The following CNTLN variants were observed in gnomAD, a reference collection of about 807,000 sequenced individuals.
CNTLN encodes centlein, centrosomal protein.
A neutral mutation model predicts 180.0 loss-of-function variants in CNTLN; 212 were observed. That is an observed-to-expected ratio of 1.18 (90% CI 1.05 to 1.32). The LOEUF (loss-of-function observed/expected upper bound fraction) is 1.32. Among genes scored for constraint, CNTLN ranks in the 40% most tolerant of loss-of-function variants. The pLI, the probability that CNTLN is intolerant of heterozygous loss-of-function variation, is 0.00. For missense variants in CNTLN, 2,095 were observed against 1,610.9 expected (o/e 1.30, Z -5.14); for synonymous variants, 722 against 563.1 (o/e 1.28, Z -3.99).
intron 5 of CNTLN, among the ~76,000 whole-genome samples, chr9:17,271,755 C>T (rs980799064): frequency 7.9e-5 from 12 of 152,144 alleles, no homozygotes; most frequent in Non-Finnish European, 1.5e-4. Flanking sequence ...TTTTTACCTT[C>T]AGAATATATT....
chr9:17,146,718 G>C (rs940970500), intron 2 of CNTLN, among the ~76,000 whole-genome samples: 3 of 152,096 alleles, frequency 2.0e-5, no homozygotes, highest in African/African-American at 4.8e-5. Flanking sequence ...TTTTGTTATA[G>C]CAGCCCAAAT....
intron 7 of CNTLN, chr9:17,301,696 A>G (rs568127060): frequency 1.4e-4 from 132 of 960,532 alleles, no homozygotes; most frequent in South Asian, 7.3e-4. Flanking sequence ...ACTAGACTCA[A>G]TTTGAAAATA....
chr9:17,341,304 A>C (rs1478859850), intron 11 of CNTLN, among the ~76,000 whole-genome samples: 1 of 152,206 alleles, frequency 6.6e-6, no homozygotes, highest in African/African-American at 2.4e-5. Flanking sequence ...CTGGTGTTAA[A>C]ATGTTTATAA....
intron 5 of CNTLN, among the ~76,000 whole-genome samples, chr9:17,266,342 G>C (rs11523716): frequency 1.3e-5 from 2 of 151,992 alleles, no homozygotes; most frequent in African/African-American, 2.4e-5. Flanking sequence ...ATGTAGTTGA[G>C]TGGTTTTGAG....
chr9:17,228,946 C>T (rs1824646065), intron 3 of CNTLN, among the ~76,000 whole-genome samples: 1 of 152,016 alleles, frequency 6.6e-6, no homozygotes, highest in Admixed American at 6.6e-5. Context: ...GTTTGAGATG[C>T]TGATAGGAAT....
chr9:17,164,600 C>T (rs1459890624), intron 2 of CNTLN, among the ~76,000 whole-genome samples: 1 of 149,526 alleles, frequency 6.7e-6, no homozygotes, highest in East Asian at 2.1e-4. Context: ...GCGTGCTCCA[C>T]AACAGCCAGC....
intron 3 of CNTLN, among the ~76,000 whole-genome samples, chr9:17,228,334 A>T (rs1824603581): frequency 6.6e-6 from 1 of 152,072 alleles, no homozygotes; most frequent in Non-Finnish European, 1.5e-5. Context: ...CATAGCTTAT[A>T]TATAACATAT....
intron 18 of CNTLN, among the ~76,000 whole-genome samples, chr9:17,449,533 G>A (rs930644298): frequency 1.3e-5 from 2 of 150,888 alleles, no homozygotes. Context: ...TTTTCTTCTC[G>A]TAACTTAAAC....
intron 16 of CNTLN, among the ~76,000 whole-genome samples, chr9:17,415,246 A>AT (rs1376337126): frequency 6.6e-6 from 1 of 152,116 alleles, no homozygotes; most frequent in African/African-American, 2.4e-5. Context: ...TCAGGAAGTT[A>AT]TTTTATTATT....
chr9:17,448,136 T>C, intron 18 of CNTLN: 1 of 207,512 alleles, frequency 4.8e-6, no homozygotes, highest in Non-Finnish European at 1.0e-5. Context: ...TTTCCAACCA[T>C]GGTGTTTTAA....
chr9:17,314,933 T>C (rs1819443604), intron 8 of CNTLN, among the ~76,000 whole-genome samples: 1 of 152,228 alleles, frequency 6.6e-6, no homozygotes, highest in African/African-American at 2.4e-5. Flanking sequence ...TTCTATACAA[T>C]GCAGTGAACT....
chr9:17,268,860 G>C (rs1292263219), intron 5 of CNTLN, among the ~76,000 whole-genome samples: 1 of 151,526 alleles, frequency 6.6e-6, no homozygotes, highest in Admixed American at 6.6e-5. Context: ...GTTATAATCT[G>C]GTGTGCCGTT....
At chr9:17,482,242 G>C (rs1832688297) in intron 23 of CNTLN, among the ~76,000 whole-genome samples, 1 of 151,960 alleles carries the variant, frequency 6.6e-6, no homozygotes, top group African/African-American at 2.4e-5. Flanking sequence ...TATAAGAAAG[G>C]AAAAGTAAAT....
chr9:17,427,386 C>G (rs938903413), intron 18 of CNTLN, among the ~76,000 whole-genome samples: 18 of 151,270 alleles, frequency 1.2e-4, no homozygotes, highest in Admixed American at 9.9e-4. Context: ...TATTGTCTTC[C>G]AGACTGCCAA....
chr9:17,199,895 G>A (rs1489710065), intron 2 of CNTLN, among the ~76,000 whole-genome samples: 1 of 152,100 alleles, frequency 6.6e-6, no homozygotes, highest in Non-Finnish European at 1.5e-5. Context: ...TTGGTGTATG[G>A]TCATGAAGTC....
At chr9:17,360,382 T>G (rs1823274152) in intron 12 of CNTLN, among the ~76,000 whole-genome samples, 1 of 152,022 alleles carries the variant, frequency 6.6e-6, no homozygotes. Context: ...TAGAGGTCAG[T>G]GGATTGGAAA....
At chr9:17,318,197 T>G (rs1819660649) in intron 8 of CNTLN, among the ~76,000 whole-genome samples, 1 of 151,658 alleles carries the variant, frequency 6.6e-6, no homozygotes, top group Non-Finnish European at 1.5e-5. Context: ...CCGGCTAATT[T>G]TTTTTGTATT....
In CNTLN at chr9:17,177,836, A is replaced by G. The variant is rs143673954; in HGVS notation, c.449+34460A>G. ...AAGAGCGAAAGAACAAAGCTTCCAC[A>G]GTATGGAAGGGGACCTGAATGGGTT... On this transcript the variant is annotated intron_variant, in intron 2 of 25. Coordinates refer to ENST00000380647, the MANE Select transcript of CNTLN (RefSeq NM_017738.4). Among the ~76,000 whole-genome samples the G allele has an allele frequency of 3.0e-3, 459 of 152,292 alleles. 3 individuals are homozygous for G. The highest frequency in any genetic ancestry group is 0.011 in the African/African-American group (438 of 41,554).
chr9:17,259,175 T>C (rs1826749164), intron 5 of CNTLN, among the ~76,000 whole-genome samples: 1 of 149,354 alleles, frequency 6.7e-6, no homozygotes, highest in Admixed American at 6.7e-5. Context: ...TGAGAGTTTT[T>C]AGCATGAAGG....
Sources: allele counts gnomAD v4.1 joint callset (sites outside exome capture counted in the v4.1 genomes callset), GRCh38; gene constraint gnomAD v4.1.1; transcripts MANE v1.5; gene names NCBI Gene and HGNC (gene_info 2026-07-23, HGNC 2026-07-21).